The following MAP4 variants were observed in gnomAD, a reference collection of about 807,000 sequenced individuals.
MAP4 encodes the protein microtubule associated protein 4.
Under a neutral mutation model 170.2 loss-of-function variants are expected in MAP4, and 76 were observed. The ratio of observed to expected loss-of-function variants is 0.45; its 90% CI spans 0.37 to 0.54. The LOEUF is 0.54. Among genes scored for constraint, MAP4 ranks in the 20% least tolerant of loss-of-function variants. MAP4 has a pLI of 0.00. For missense variants in MAP4, 2,506 were observed against 2,748.0 expected, an observed-to-expected ratio of 0.91 and a Z score of 1.97; for synonymous variants, 909 against 994.5, an observed-to-expected ratio of 0.91 and a Z score of 1.62.
At chr3:48,009,428 A>C (rs2100104109) in intron 1 of MAP4, among the ~76,000 whole-genome samples, 1 of 152,092 alleles carries the variant, frequency 6.6e-6, no homozygotes, top group Non-Finnish European at 1.5e-5. Context: ...ATCCACCATC[A>C]TGGTATGCCA....
At chr3:47,913,696 T>C (rs1349018445) in intron 8 of MAP4, among the ~76,000 whole-genome samples, 1 of 151,818 alleles carries the variant, frequency 6.6e-6, no homozygotes, top group Non-Finnish European at 1.5e-5. Flanking sequence ...AAAACAACAT[T>C]TAAAAAAAAA....
chr3:48,050,457 G>GA (rs962544436), intron 1 of MAP4, among the ~76,000 whole-genome samples: 5 of 149,738 alleles, frequency 3.3e-5, no homozygotes, highest in African/African-American at 9.8e-5. Context: ...TAATAAATGT[G>GA]AAAAAAAAAT....
At chr3:47,893,176 ATCTG>A (rs1470642534) in intron 10 of MAP4, among the ~76,000 whole-genome samples, 1 of 152,242 alleles carries the variant, frequency 6.6e-6, no homozygotes, top group Non-Finnish European at 1.5e-5. Context: ...TAAGAGCTCC[ATCTG>A]TAGCTCTGCA....
At chr3:48,023,170 A>G (rs2100111407) in intron 1 of MAP4, among the ~76,000 whole-genome samples, 1 of 152,294 alleles carries the variant, frequency 6.6e-6, no homozygotes, top group East Asian at 1.9e-4. Flanking sequence ...AAAAAGGTGC[A>G]ATTAAAAACA....
At chr3:47,978,961 T>C (rs542980192) in intron 2 of MAP4, among the ~76,000 whole-genome samples, 16 of 152,210 alleles carry the variant, frequency 1.1e-4, no homozygotes, top group African/African-American at 3.4e-4. Flanking sequence ...CTTTATCAGA[T>C]AAATTTTGTA....
At chr3:48,066,903 C>T (rs1378188813) in intron 1 of MAP4, among the ~76,000 whole-genome samples, 2 of 129,522 alleles carry the variant, frequency 1.5e-5, no homozygotes, top group Non-Finnish European at 3.1e-5. Flanking sequence ...AGCAGTGGTA[C>T]GATCTCGGCT....
chr3:47,942,604 A>G (rs995786264), intron 3 of MAP4, among the ~76,000 whole-genome samples: 2 of 152,112 alleles, frequency 1.3e-5, no homozygotes, highest in African/African-American at 4.8e-5. Context: ...TTTTTCATGC[A>G]CACAGGGATA....
intron 8 of MAP4, among the ~76,000 whole-genome samples, chr3:47,914,566 C>T (rs541736879): frequency 3.4e-5 from 5 of 148,478 alleles, no homozygotes; most frequent in African/African-American, 4.9e-5. Context: ...AAAAAAACAA[C>T]GACAACAACA....
At chr3:47,877,002 C>A (rs564365462) in intron 11 of MAP4, 97 of 156,824 alleles carry the variant, frequency 6.2e-4, no homozygotes, top group Middle Eastern at 3.3e-3. Context: ...CTGCCTCAGC[C>A]TCCTGAGTAG....
Position 48,013,262 on chromosome 3 carries a change from G to A in MAP4, c.-20+3072C>T, listed in dbSNP as rs546742548. On this transcript the variant is annotated intron_variant, in intron 1 of 20. Coordinates refer to ENST00000683076, the MANE Select transcript of MAP4 (RefSeq NM_001385682.1). ...TATTTTCAAATCTGGATGTTCAGGA[G>A]GATCAAAAAATGAACCCTTGTGAAT... 8.6e-5 allele frequency among the ~76,000 whole-genome samples: 13 copies of A among 151,626 alleles called. No homozygotes were observed. In the South Asian group the frequency reaches 2.7e-3, roughly 32 times the overall value.
chr3:47,869,262 A>G lies in MAP4; in HGVS notation c.6360T>C (p.Thr2120=), dbSNP rs1476881744. 8 of 1,614,184 alleles carry G rather than the reference A, an allele frequency of 5.0e-6. No homozygotes were observed. The Middle Eastern group carries it at 4.9e-4, about 100-fold the overall frequency. The change falls in exon 16 of 21, where the codon ACT becomes ACC. Residue 2120 remains threonine, a synonymous_variant. Transcript: ENST00000683076. The part of the protein sequence containing the change: ...TTRKPESNAV[T]KTAGPIASAQ... ...CACTTGCAATTGGGCCGGCTGTTTT[A>G]GTGACTGCATTAGATTCAGGCTTTC...
At chr3:47,987,680 C>G (rs1183571787) in intron 2 of MAP4, among the ~76,000 whole-genome samples, 1 of 152,234 alleles carries the variant, frequency 6.6e-6, no homozygotes, top group East Asian at 1.9e-4. Context: ...AAATCCTACT[C>G]CTTCTGTAGC....
At chr3:48,025,931 A>AATAATAATAATAATG (rs2100112879) in intron 1 of MAP4, among the ~76,000 whole-genome samples, 1 of 148,032 alleles carries the variant, frequency 6.8e-6, no homozygotes, top group South Asian at 2.1e-4. Flanking sequence ...TAATAATAAT[A>AATAATAATAATAATG]ATAATAACAA....
In MAP4 at chr3:47,879,770, C is replaced by T. The variant is rs2096341071; in HGVS notation, c.5435-2247G>A. 2.0e-5 allele frequency among the ~76,000 whole-genome samples: 3 copies of T among 152,118 alleles called. No individual in the cohort carries two copies. In the South Asian group the frequency reaches 6.2e-4, roughly 32 times the overall value. On this transcript the variant is annotated intron_variant, in intron 10 of 20. Transcript: ENST00000683076. ...CAATCAATAGGGCTTCTTCATGTTACCCCTCTATAGCCATATCTACCCCAT... is the reference window on the plus strand; with the variant it reads ...CAATCAATAGGGCTTCTTCATGTTATCCCTCTATAGCCATATCTACCCCAT...
intron 1 of MAP4, among the ~76,000 whole-genome samples, chr3:48,005,217 C>A (rs923679521): frequency 6.6e-6 from 1 of 152,032 alleles, no homozygotes; most frequent in Non-Finnish European, 1.5e-5. Context: ...AAAAATTAGC[C>A]GGGCGTGGTG....
intron 1 of MAP4, among the ~76,000 whole-genome samples, chr3:48,073,350 C>T (rs2100142002): frequency 6.6e-6 from 1 of 151,154 alleles, no homozygotes; most frequent in South Asian, 2.1e-4. Flanking sequence ...GTGGCTCACA[C>T]CTGTAATCCC....
chr3:47,859,155 G>A (rs891639750), intron 17 of MAP4, among the ~76,000 whole-genome samples: 1 of 152,128 alleles, frequency 6.6e-6, no homozygotes, highest in Non-Finnish European at 1.5e-5. Context: ...GCATCTTTAA[G>A]TCTATAGCCA....
chr3:47,867,141 G>C, intron 17 of MAP4, 105 bp downstream of exon 17: 1 of 776,044 alleles, frequency 1.3e-6, no homozygotes, highest in South Asian at 1.6e-5. Context: ...GAACGCTACA[G>C]CTCAGGTCAC....
intron 3 of MAP4, among the ~76,000 whole-genome samples, chr3:47,968,316 T>C (rs2100076358): frequency 6.6e-6 from 1 of 152,198 alleles, no homozygotes; most frequent in Non-Finnish European, 1.5e-5. Context: ...GAGCCGAATA[T>C]ACATTCTTCT....
Sources: gnomAD v4.1 joint callset for allele counts (sites outside exome capture counted in the v4.1 genomes callset) on GRCh38, gnomAD v4.1.1 for gene constraint, MANE v1.5 for transcripts, NCBI Gene and HGNC (gene_info 2026-07-23, HGNC 2026-07-21) for gene names.